The following ZNF839 variants were observed in gnomAD, a reference collection of about 807,000 sequenced individuals.
ZNF839 encodes the protein renal carcinoma antigen NY-REN-50.
Under a neutral mutation model 56.4 loss-of-function variants are expected in ZNF839, and 38 were observed. That is an observed-to-expected ratio of 0.67 (90% confidence interval 0.52 to 0.88). The LOEUF (loss-of-function observed/expected upper bound fraction) is 0.88, where lower values mean the gene tolerates loss of function less well. Ranked by LOEUF, ZNF839 falls within the 40% of genes least tolerant of loss-of-function variation. ZNF839 has a pLI of 0.00. For synonymous variants in ZNF839, 486 were observed against 493.5 expected, an observed-to-expected ratio of 0.98 and a Z score of 0.20; for missense variants, 1,091 against 1,177.6, an observed-to-expected ratio of 0.93 and a Z score of 1.08.
chr14:102,325,125 G>A (rs997090594), intron 1 of ZNF839, among the ~76,000 whole-genome samples: 1 of 152,078 alleles, frequency 6.6e-6, no homozygotes, highest in African/African-American at 2.4e-5. Flanking sequence ...GCCAAGGCAG[G>A]TGGATCAATC....
In ZNF839 at chr14:102,342,342, A is replaced by G; in HGVS notation, c.*163A>G. 2.5e-6 allele frequency: 2 copies of G among 799,750 alleles called. No homozygotes were observed. The highest frequency in any genetic ancestry group is 3.8e-6 in the Non-Finnish European group (2 of 529,298). The allele number at this position is 799,750 out of a possible 1,614,324, so 49.5% of individuals were successfully genotyped here. On this transcript the variant is annotated 3_prime_UTR_variant, in exon 8 of 8. Transcript: ENST00000442396. ...TGAATATTGCACAGATGAACCTTTTATTTATAAAGAATAATGTCTTTCTGC... is the reference window on the plus strand; with the variant it reads ...TGAATATTGCACAGATGAACCTTTTGTTTATAAAGAATAATGTCTTTCTGC...
chr14:102,331,939 C>T, intron 3 of ZNF839, 93 bp downstream of exon 3: 1 of 1,041,922 alleles, frequency 9.6e-7, no homozygotes, highest in Non-Finnish European at 1.4e-6. Flanking sequence ...AGCAGTTCAC[C>T]TGAAATGTCA....
chr14:102,331,777 T>A lies in ZNF839; in HGVS notation c.1347T>A (p.Ala449=), dbSNP rs1183829141. Residue 449 remains alanine, a synonymous_variant, in exon 3 of 8, where the codon GCT becomes GCA. Transcript: ENST00000442396. ...CTGTCCTCCAGCAGAGAAGAGCTGC[T>A]CAGCTACCTGGTGGCCCTGCTGCGG... The part of the protein sequence containing the change: ...RTAVLQQRRA[A]QLPGGPAAAG... 1 of 1,599,620 alleles carries A rather than the reference T, an allele frequency of 6.3e-7. No individual in the cohort carries two copies. The highest frequency in any genetic ancestry group is 1.7e-5 in the Admixed American group (1 of 57,460).
Position 102,341,532 on chromosome 14 carries a change from A to G in ZNF839, c.2137A>G (p.Arg713Gly). ...LPVYAQSGEP[R>G]RLTQAQVAAF... ...TGTTTATGCTCAGTCAGGAGAGCCTAGGAGGCTGACCCAGGCACAGGTGGC... is the reference window on the plus strand; with the variant it reads ...TGTTTATGCTCAGTCAGGAGAGCCTGGGAGGCTGACCCAGGCACAGGTGGC... Residue 713 changes from arginine (R) to glycine (G), a missense_variant, in exon 8 of 8, where the codon AGG becomes GGG. Physicochemically the swap from Arg to Gly is moderately radical, Grantham distance 125. Around this residue, in one of 3 missense-constraint regions of ZNF839, gnomAD observed 431 missense variants for 468.0 expected, o/e 0.92. Coordinates refer to ENST00000442396, the MANE Select transcript of ZNF839 (RefSeq NM_018335.6). The G allele has an allele frequency of 6.2e-7, 1 of 1,610,414 alleles. No homozygotes were observed. The highest frequency in any genetic ancestry group is 8.5e-7 in the Non-Finnish European group (1 of 1,177,844).
At chr14:102,320,706 AT>A (rs1162389331) in intron 1 of ZNF839, among the ~76,000 whole-genome samples, 1 of 152,160 alleles carries the variant, frequency 6.6e-6, no homozygotes, top group Non-Finnish European at 1.5e-5. Context: ...CTGATACACA[AT>A]GTTTGGAATA....
Position 102,326,819 on chromosome 14 carries a change from C to G in ZNF839, c.1123C>G (p.Pro375Ala). 2 of 1,611,274 alleles carry G rather than the reference C, an allele frequency of 1.2e-6. No homozygotes were observed. Among genetic ancestry groups the G allele is most frequent in the Non-Finnish European group, 1.7e-6 (2 of 1,178,734 alleles). ...CCTGACCTCCCTGGGGCTGTCCATG[C>G]CAGCGGATCCATGTGAGGGAGGGGC... ...LSLTSLGLSM[P>A]ADPCEGGARS... Residue 375 changes from proline to alanine, a missense_variant, in exon 2 of 8, where the codon CCA becomes GCA. Coordinates refer to ENST00000442396, the MANE Select transcript of ZNF839 (RefSeq NM_018335.6). This position sits in a 1 kb window ranked among gnomAD's most constrained non-coding sequence, Gnocchi z 4.3.
At chr14:102,320,473 A>G (rs1426734229) in intron 1 of ZNF839, among the ~76,000 whole-genome samples, 1 of 152,220 alleles carries the variant, frequency 6.6e-6, no homozygotes, top group East Asian at 1.9e-4. Flanking sequence ...AACATAAGGC[A>G]GGTTCTGGGA....
In ZNF839 at chr14:102,342,154, GGCGT is replaced by G; in HGVS notation, c.2762_2765del (p.Arg921ProfsTer?). On this transcript the variant is annotated frameshift_variant, in exon 8 of 8. Transcript: ENST00000442396. LOFTEE classifies it high-confidence loss of function. ...ATTGTCACAGTGACTGATGCAGAGG[GGCGT>G]GCCTGCGGATGGGCCCGCTAGAAGG... The G allele has an allele frequency of 1.2e-6, 2 of 1,610,016 alleles. No individual in the cohort carries two copies. Among genetic ancestry groups the G allele is most frequent in the South Asian group, 2.2e-5 (2 of 90,992 alleles).
At chr14:102,329,266 C>T (rs1053528924) in intron 2 of ZNF839, among the ~76,000 whole-genome samples, 1 of 152,172 alleles carries the variant, frequency 6.6e-6, no homozygotes, top group Non-Finnish European at 1.5e-5. Flanking sequence ...CCACGCCCGG[C>T]CCAATTTCTT....
Position 102,338,207 on chromosome 14 carries a change from G to A in ZNF839, c.1660-609G>A, listed in dbSNP as rs766766420. Among the ~76,000 whole-genome samples the A allele has an allele frequency of 7.2e-5, 11 of 152,214 alleles. 1 individual carries two copies. Among genetic ancestry groups the A allele is most frequent in the East Asian group, 3.9e-4 (2 of 5,190 alleles). On this transcript the variant is annotated intron_variant, in intron 5 of 7. Coordinates refer to ENST00000442396, the MANE Select transcript of ZNF839 (RefSeq NM_018335.6). ...GGTATCAGCTAACATTATTAAGCTCGTGATAGCATTAAAGAGAGTGTTTTA... is the reference window on the plus strand; with the variant it reads ...GGTATCAGCTAACATTATTAAGCTCATGATAGCATTAAAGAGAGTGTTTTA...
chr14:102,323,785 G>A (rs112590770), intron 1 of ZNF839, among the ~76,000 whole-genome samples: 3 of 152,316 alleles, frequency 2.0e-5, no homozygotes, highest in African/African-American at 7.2e-5. Context: ...CATACATCGT[G>A]AAGATTCAGA....
chr14:102,327,583 A>C (rs1348694467), intron 2 of ZNF839, among the ~76,000 whole-genome samples: 1 of 152,168 alleles, frequency 6.6e-6, no homozygotes, highest in Non-Finnish European at 1.5e-5. Flanking sequence ...CTTCAACATG[A>C]GATTTGGTGG....
chr14:102,339,250 T>C (rs745830319), intron 7 of ZNF839, 27 bp downstream of exon 7: 4 of 1,604,092 alleles, frequency 2.5e-6, no homozygotes, highest in Non-Finnish European at 3.4e-6. Flanking sequence ...GTTTGTGGGG[T>C]GTATCCATGG....
intron 2 of ZNF839, among the ~76,000 whole-genome samples, chr14:102,328,687 C>G (rs1212849440): frequency 1.3e-5 from 2 of 151,988 alleles, no homozygotes; most frequent in Non-Finnish European, 2.9e-5. Context: ...TTTCTGTCTT[C>G]TATGATCTTG....
intron 1 of ZNF839, among the ~76,000 whole-genome samples, chr14:102,322,251 A>G (rs1162252954): frequency 6.6e-6 from 1 of 152,194 alleles, no homozygotes; most frequent in Non-Finnish European, 1.5e-5. Flanking sequence ...GTCTGCCTTC[A>G]GAATCATCAG....
At chr14:102,337,250 A>G (rs921421838) in intron 5 of ZNF839, 3 of 149,524 alleles carry the variant, frequency 2.0e-5, no homozygotes, top group African/African-American at 2.5e-5. Context: ...GCTCACTGCA[A>G]CCTCCCCTCC....
At chr14:102,334,735 G>C (rs1447203540) in intron 4 of ZNF839, 89 bp downstream of exon 4, 4 of 681,746 alleles carry the variant, frequency 5.9e-6, no homozygotes, top group Non-Finnish European at 8.6e-6. Context: ...TTTTTCAATA[G>C]CCTGCATAGT....
At chr14:102,330,479 C>T (rs951203314) in intron 2 of ZNF839, among the ~76,000 whole-genome samples, 2 of 151,744 alleles carry the variant, frequency 1.3e-5, no homozygotes, top group African/African-American at 4.8e-5. Flanking sequence ...GGCAATCCAC[C>T]TGCCTCAGTC....
Position 102,319,919 on chromosome 14 carries a change from C to T in ZNF839, c.154C>T (p.Gln52Ter). Residue 52 changes from glutamine (Q) to a stop codon, truncating the protein, a stop_gained, in exon 1 of 8, where the codon CAG becomes TAG. Transcript: ENST00000442396. LOFTEE classifies it high-confidence loss of function. This position sits in a 1 kb window ranked among gnomAD's most constrained non-coding sequence, Gnocchi z 4.5. Reference protein sequence around the residue: ...RQVLEQVTKAQPPPPPPPFVL... With the variant: ...RQVLEQVTKA Reference sequence around the variant, plus strand: ...GGTCCTGGAGCAGGTGACGAAGGCGCAGCCGCCGCCGCCGCCGCCCCCCTT... The same window carrying T: ...GGTCCTGGAGCAGGTGACGAAGGCGTAGCCGCCGCCGCCGCCGCCCCCCTT... 1.6e-6 allele frequency: 2 copies of T among 1,235,944 alleles called. No homozygotes were observed. Among genetic ancestry groups the T allele is most frequent in the South Asian group, 2.5e-5 (1 of 39,792 alleles). 76.6% of individuals were successfully genotyped at this position (1,235,944 alleles called of 1,614,324 possible). A position where few individuals can be genotyped will look rare whatever the true frequency, so the allele number is the denominator to read the frequency against.
Sources: gnomAD v4.1 joint callset for allele counts (sites outside exome capture counted in the v4.1 genomes callset) on GRCh38, gnomAD v4.1.1 for gene constraint, gnomAD v4.1.1 regional missense constraint, Gnocchi (gnomAD v3.1) non-coding constraint, MANE v1.5 for transcripts, NCBI Gene and HGNC (gene_info 2026-07-23, HGNC 2026-07-21) for gene names.